The following COL8A1 variants were observed in gnomAD, a reference collection of about 807,000 sequenced individuals.
The protein encoded by COL8A1 is collagen type VIII alpha 1 chain, also known as collagen alpha-1(VIII) chain.
In COL8A1, 21 loss-of-function variants were observed where a neutral mutation model predicts 42.7. That is an observed-to-expected ratio of 0.49 (90% CI 0.35 to 0.71). COL8A1 has a LOEUF of 0.71. COL8A1 is among the 30% of genes least tolerant of loss of function. The pLI is 0.01. For synonymous variants in COL8A1, 367 were observed against 369.1 expected (o/e 0.99, Z 0.06); for missense variants, 788 against 962.4 (o/e 0.82, Z 2.40).
intron 2 of COL8A1, among the ~76,000 whole-genome samples, chr3:99,787,580 A>G (rs528679933): frequency 2.0e-4 from 31 of 152,284 alleles, no homozygotes; most frequent in Admixed American, 1.8e-3. Flanking sequence ...GCTTATGAAG[A>G]ATTCATATTA....
chr3:99,749,989 T>A (rs1413090005), intron 2 of COL8A1, among the ~76,000 whole-genome samples: 4 of 151,580 alleles, frequency 2.6e-5, no homozygotes, highest in African/African-American at 9.7e-5. Context: ...ATTAATTGTT[T>A]AAAGAATATT....
chr3:99,762,431 T>A (rs1941381920), intron 2 of COL8A1, among the ~76,000 whole-genome samples: 1 of 152,226 alleles, frequency 6.6e-6, no homozygotes, highest in African/African-American at 2.4e-5. Context: ...TTCTGCCTTG[T>A]CAGTATGTCT....
intron 1 of COL8A1, among the ~76,000 whole-genome samples, chr3:99,711,391 T>C (rs1939831777): frequency 6.6e-6 from 1 of 152,202 alleles, no homozygotes; most frequent in Non-Finnish European, 1.5e-5. Context: ...TTAATTGTTT[T>C]GTTTTCAGCC....
intron 1 of COL8A1, among the ~76,000 whole-genome samples, chr3:99,659,170 G>T (rs891351887): frequency 7.2e-5 from 11 of 152,206 alleles, no homozygotes; most frequent in African/African-American, 2.7e-4. Context: ...TGTAGTATGT[G>T]ACTCATGGAT....
intron 1 of COL8A1, among the ~76,000 whole-genome samples, chr3:99,662,874 C>T (rs903701724): frequency 6.6e-6 from 1 of 152,126 alleles, no homozygotes; most frequent in African/African-American, 2.4e-5. Flanking sequence ...CCAAATTTCC[C>T]CTTTTTATAA....
At chr3:99,712,111 T>A (rs1366860127) in intron 1 of COL8A1, among the ~76,000 whole-genome samples, 1 of 152,140 alleles carries the variant, frequency 6.6e-6, no homozygotes, top group East Asian at 1.9e-4. Flanking sequence ...TGAAAGGTTT[T>A]AAAAGGTTAG....
chr3:99,744,363 G>T (rs1940975896), intron 1 of COL8A1, among the ~76,000 whole-genome samples: 2 of 152,182 alleles, frequency 1.3e-5, no homozygotes, highest in Non-Finnish European at 2.9e-5. Context: ...AAAGTCTAGG[G>T]TAGAGAGAAC....
chr3:99,794,480 A>G lies in COL8A1; in HGVS notation c.579A>G (p.Pro193=). The change falls in exon 4 of 4, where the codon CCA becomes CCG. Residue 193 remains proline, a synonymous_variant. Transcript: ENST00000652472. This position sits in a 1 kb window ranked among gnomAD's most constrained non-coding sequence, Gnocchi z 4.3. ...QKGEIGPMGI[P]GPQGPPGPHG... Reference sequence around the variant, plus strand: ...GGGAAATTGGGCCTATGGGGATCCCAGGACCACAAGGACCTCCAGGGCCTC... The same window carrying G: ...GGGAAATTGGGCCTATGGGGATCCCGGGACCACAAGGACCTCCAGGGCCTC... The G allele has an allele frequency of 6.2e-7, 1 of 1,614,074 alleles. No homozygotes were observed. Among genetic ancestry groups the G allele is most frequent in the Non-Finnish European group, 8.5e-7 (1 of 1,179,966 alleles).
At chr3:99,765,132 A>G (rs979365741) in intron 2 of COL8A1, among the ~76,000 whole-genome samples, 3 of 152,216 alleles carry the variant, frequency 2.0e-5, no homozygotes, top group African/African-American at 7.2e-5. Context: ...CACCAAGTGT[A>G]GGCAATGTAA....
intron 2 of COL8A1, among the ~76,000 whole-genome samples, chr3:99,761,170 G>C (rs796773491): frequency 6.6e-6 from 1 of 152,042 alleles, no homozygotes; most frequent in South Asian, 2.1e-4. Flanking sequence ...TTTTCTTATT[G>C]AAATAAAAAA....
rs899139620 is a variant in COL8A1 at position 99,733,972 on chromosome 3, C to T, written c.-128-10925C>T. 6.2e-3 allele frequency among the ~76,000 whole-genome samples: 941 copies of T among 152,052 alleles called. 6 individuals are homozygous for T. The highest frequency in any genetic ancestry group is 0.018 in the African/African-American group (747 of 41,448). ...CTTTTGAGAAGTGTCTGTTCATGTC[C>T]TTCGCCCACTTTTTGATGGGGTTGT... On this transcript the variant is annotated intron_variant, in intron 1 of 3. Coordinates refer to ENST00000652472, the MANE Select transcript of COL8A1 (RefSeq NM_020351.4).
intron 2 of COL8A1, among the ~76,000 whole-genome samples, chr3:99,768,484 A>G (rs533983590): frequency 6.6e-6 from 1 of 152,256 alleles, no homozygotes. Context: ...TTACAGGTGA[A>G]GAGCATGGGG....
intron 2 of COL8A1, among the ~76,000 whole-genome samples, chr3:99,751,006 TAG>T (rs1311668891): frequency 6.6e-6 from 1 of 152,210 alleles, no homozygotes; most frequent in Non-Finnish European, 1.5e-5. Context: ...TTGAGCTGGA[TAG>T]AGTCTCAGTG....
chr3:99,739,822 A>C (rs1940848074), intron 1 of COL8A1, among the ~76,000 whole-genome samples: 1 of 152,188 alleles, frequency 6.6e-6, no homozygotes, highest in Non-Finnish European at 1.5e-5. Context: ...TGGTATTAAC[A>C]TCTGGCTCCT....
chr3:99,651,780 G>A (rs1284364404), intron 1 of COL8A1, among the ~76,000 whole-genome samples: 1 of 152,210 alleles, frequency 6.6e-6, no homozygotes, highest in African/African-American at 2.4e-5. Context: ...TTCTGACTCA[G>A]CACAGAGCAG....
intron 1 of COL8A1, among the ~76,000 whole-genome samples, chr3:99,674,153 A>G (rs935617151): frequency 2.6e-5 from 4 of 151,972 alleles, no homozygotes; most frequent in African/African-American, 9.7e-5. Flanking sequence ...GAATCCAAAT[A>G]ACCCTTCCTT....
At chr3:99,655,197 C>A (rs1937978729) in intron 1 of COL8A1, among the ~76,000 whole-genome samples, 1 of 152,188 alleles carries the variant, frequency 6.6e-6, no homozygotes, top group Non-Finnish European at 1.5e-5. Context: ...TGTCCTCTCA[C>A]ATCATACCCA....
chr3:99,791,610 T>C (rs774416486), intron 3 of COL8A1, among the ~76,000 whole-genome samples: 41 of 152,240 alleles, frequency 2.7e-4, no homozygotes, highest in Non-Finnish European at 5.3e-4. Flanking sequence ...TTGGCGTATT[T>C]ATTTAGCACC....
chr3:99,672,715 C>G (rs1938583867), intron 1 of COL8A1, among the ~76,000 whole-genome samples: 1 of 151,924 alleles, frequency 6.6e-6, no homozygotes, highest in South Asian at 2.1e-4. Flanking sequence ...GTTGCATTAA[C>G]TAACTTCCTT....
Sources: gnomAD v4.1 joint callset for allele counts (sites outside exome capture counted in the v4.1 genomes callset) on GRCh38, gnomAD v4.1.1 for gene constraint, Gnocchi (gnomAD v3.1) non-coding constraint, MANE v1.5 for transcripts, NCBI Gene and HGNC (gene_info 2026-07-23, HGNC 2026-07-21) for gene names.